NRXN3: variants seen among roughly 807,000 people sequenced by gnomAD.
The protein encoded by NRXN3 is neurexin 3.
Under a neutral mutation model 137.6 loss-of-function variants are expected in NRXN3, and 32 were observed. The observed-to-expected ratio is 0.23, with a 90% confidence interval of 0.18 to 0.31. The LOEUF (loss-of-function observed/expected upper bound fraction) is 0.31, where lower values mean the gene tolerates loss of function less well. Among genes scored for constraint, NRXN3 ranks in the 10% least tolerant of loss-of-function variants. The pLI, the probability that NRXN3 is intolerant of heterozygous loss-of-function variation, is 1.00. For missense variants in NRXN3, 1,574 were observed against 2,062.5 expected, an observed-to-expected ratio of 0.76 and a Z score of 4.59; for synonymous variants, 798 against 784.5, an observed-to-expected ratio of 1.02 and a Z score of -0.29.
intron 16 of NRXN3, among the ~76,000 whole-genome samples, chr14:79,623,600 C>T (rs899020598): frequency 1.3e-5 from 2 of 152,184 alleles, no homozygotes; most frequent in East Asian, 1.9e-4. Context: ...AAATAATATA[C>T]TCAACTGCAA....
At chr14:78,654,038 C>A (rs61976145) in intron 6 of NRXN3, among the ~76,000 whole-genome samples, 1 of 152,140 alleles carries the variant, frequency 6.6e-6, no homozygotes, top group African/African-American at 2.4e-5. Context: ...CTAAGGGACT[C>A]GGAAGTCTTC....
intron 16 of NRXN3, among the ~76,000 whole-genome samples, chr14:79,548,242 C>T (rs555938477): frequency 7.9e-5 from 12 of 152,098 alleles, no homozygotes; most frequent in African/African-American, 2.7e-4. Context: ...CTTGTGTCCA[C>T]GTATTCTCGT....
intron 16 of NRXN3, among the ~76,000 whole-genome samples, chr14:79,551,922 A>T (rs1228682229): frequency 6.6e-6 from 1 of 152,194 alleles, no homozygotes; most frequent in Non-Finnish European, 1.5e-5. Context: ...GTTTCCTGTG[A>T]CATCCAGGTG....
intron 10 of NRXN3, among the ~76,000 whole-genome samples, chr14:78,948,992 G>A (rs1041098068): frequency 6.6e-6 from 1 of 152,180 alleles, no homozygotes; most frequent in East Asian, 1.9e-4. Flanking sequence ...TAAAGCTGGG[G>A]TATAGTAGAT....
chr14:79,637,024 G>A (rs1157200490), intron 16 of NRXN3, among the ~76,000 whole-genome samples: 1 of 152,140 alleles, frequency 6.6e-6, no homozygotes, highest in Non-Finnish European at 1.5e-5. Flanking sequence ...GCATTGAGTT[G>A]TTCTGTTTTA....
chr14:79,518,042 A>G (rs1224961602), intron 16 of NRXN3, among the ~76,000 whole-genome samples: 1 of 150,652 alleles, frequency 6.6e-6, no homozygotes. Flanking sequence ...AGTAGCTGGG[A>G]TTACAGGCAA....
chr14:79,377,641 A>G (rs375975793), intron 15 of NRXN3, among the ~76,000 whole-genome samples: 113 of 152,272 alleles, frequency 7.4e-4, no homozygotes, highest in African/African-American at 2.6e-3. Context: ...CTGTAATCCC[A>G]GCTACTCAGG....
intron 4 of NRXN3, among the ~76,000 whole-genome samples, chr14:78,582,797 C>T (rs1203838551): frequency 6.6e-6 from 1 of 152,124 alleles, no homozygotes; most frequent in African/African-American, 2.4e-5. Context: ...CCCATCCACA[C>T]GATACAATGC....
At chr14:79,268,218 A>G (rs1397875319) in intron 15 of NRXN3, among the ~76,000 whole-genome samples, 1 of 152,118 alleles carries the variant, frequency 6.6e-6, no homozygotes, top group East Asian at 1.9e-4. Flanking sequence ...TGTGCTTTAT[A>G]TATTTTGAGG....
At chr14:79,188,636 T>C (rs930401927) in intron 15 of NRXN3, among the ~76,000 whole-genome samples, 5 of 152,228 alleles carry the variant, frequency 3.3e-5, no homozygotes, top group Admixed American at 1.3e-4. Context: ...TGAATAGCTA[T>C]CATTGGTCAT....
chr14:79,386,453 G>A (rs1425516852), intron 15 of NRXN3, among the ~76,000 whole-genome samples: 6 of 151,978 alleles, frequency 3.9e-5, no homozygotes, highest in Admixed American at 3.9e-4. Context: ...AATAAAAGAG[G>A]ATACAAACAA....
At chr14:79,752,698 A>G (rs867687768) in intron 19 of NRXN3, among the ~76,000 whole-genome samples, 1 of 152,104 alleles carries the variant, frequency 6.6e-6, no homozygotes. Flanking sequence ...CAATGGCAAC[A>G]AAAGCCAAAA....
rs371079729 is a variant in NRXN3, at chr14:79,607,041, T to C, written c.3445-56737T>C. Among the ~76,000 whole-genome samples the C allele has an allele frequency of 3.6e-4, 55 of 152,356 alleles. No homozygotes were observed. The East Asian group carries it at 8.5e-3, about 24-fold the overall frequency. On this transcript the variant is annotated intron_variant, in intron 16 of 20. Coordinates refer to ENST00000335750, the MANE Select transcript of NRXN3 (RefSeq NM_001330195.2). ...TAAGTTTCACGTGAATGTTTTCCTA[T>C]GTGTATGTGTGCATGCTTATTTGCA...
chr14:79,845,875 A>AGAGAGAGATG (rs147442701), intron 20 of NRXN3, among the ~76,000 whole-genome samples: 1 of 43,856 alleles, frequency 2.3e-5, no homozygotes, highest in South Asian at 7.8e-4. Flanking sequence ...AGAGAGATGG[A>AGAGAGAGATG]GAGAGAGAGA....
chr14:79,527,446 C>G (rs1183383520), intron 16 of NRXN3, among the ~76,000 whole-genome samples: 1 of 151,780 alleles, frequency 6.6e-6, no homozygotes, highest in Admixed American at 6.6e-5. Flanking sequence ...GAAGAAAAAG[C>G]ATGGAAGAAA....
intron 15 of NRXN3, among the ~76,000 whole-genome samples, chr14:79,079,934 G>C (rs1029695849): frequency 3.3e-5 from 5 of 152,160 alleles, no homozygotes; most frequent in African/African-American, 1.2e-4. Flanking sequence ...GTTGTGGTGA[G>C]CTGAGATCAT....
chr14:78,966,378 G>T lies in NRXN3; in HGVS notation c.2749G>T (p.Asp917Tyr). 2 of 1,613,846 alleles carry T rather than the reference G, an allele frequency of 1.2e-6. No individual in the cohort carries two copies. The highest frequency in any genetic ancestry group is 2.2e-5 in the South Asian group (2 of 91,042). ...TCTCTTCAATAGTGGTGATGGCAAT[G>T]ACTTCATTGCAGTCGAGCTTGTCAA... is the stretch of plus-strand genomic sequence containing the variant. ...FILFNSGDGN[D>Y]FIAVELVKGY... Residue 917 changes from aspartate to tyrosine, a missense_variant, in exon 12 of 21, where the codon GAC (aspartate) becomes TAC (tyrosine). Transcript: ENST00000335750.
chr14:79,539,661 A>G (rs775169905), intron 16 of NRXN3, among the ~76,000 whole-genome samples: 21 of 152,148 alleles, frequency 1.4e-4, no homozygotes, highest in Non-Finnish European at 2.4e-4. Flanking sequence ...CATAAGGACT[A>G]GAGAAAAGAT....
intron 1 of NRXN3, among the ~76,000 whole-genome samples, chr14:78,210,675 C>G (rs2062656316): frequency 6.6e-6 from 1 of 151,930 alleles, no homozygotes. Flanking sequence ...TGGTCAGTTG[C>G]TGTCCCCACC....
Sources: allele counts gnomAD v4.1 joint callset (sites outside exome capture counted in the v4.1 genomes callset), GRCh38; gene constraint gnomAD v4.1.1; transcripts MANE v1.5; gene names NCBI Gene and HGNC (gene_info 2026-07-23, HGNC 2026-07-21).